The following CD69 variants were observed in gnomAD, a reference collection of about 807,000 sequenced individuals.
CD69 encodes the protein CD69 molecule.
A neutral mutation model predicts 21.4 loss-of-function variants in CD69; 10 were observed. The observed-to-expected ratio is 0.47, with a 90% CI of 0.29 to 0.79. CD69 has a LOEUF of 0.79. CD69 is among the 30% of genes least tolerant of loss of function. The pLI is 0.09. For missense variants in CD69, 204 were observed against 236.9 expected (o/e 0.86, Z 0.91); for synonymous variants, 63 against 78.2 (o/e 0.81, Z 1.03).
rs1235998120 is a variant in CD69 at position 9,756,311 on chromosome 12, A to C, written c.173T>G (p.Leu58Arg). Residue 58 changes from leucine (L) to arginine (R), a missense_variant, in exon 2 of 5, where the codon CTC (leucine) becomes CGC (arginine). Leu to Arg is a moderately radical substitution (Grantham distance 102). Transcript: ENST00000228434. ...VVFITILIIA[L>R]IALSVGQYNC... ...TGTAGACCCACCTGATAAGGCAATG[A>C]GAGCTATGATTAAAATGGTGATGAA... The C allele has an allele frequency of 6.2e-7, 1 of 1,613,328 alleles. No individual in the cohort carries two copies. The highest frequency in any genetic ancestry group is 8.5e-7 in the Non-Finnish European group (1 of 1,179,618).
chr12:9,757,829 T>C (rs774999566), intron 1 of CD69, among the ~76,000 whole-genome samples: 1 of 152,348 alleles, frequency 6.6e-6, no homozygotes, highest in South Asian at 2.1e-4. Context: ...CAAATGTTGC[T>C]GGTCTTGTGG....
At position 9,758,600 on chromosome 12, in the gene CD69, G is replaced by C. The variant is rs772927101; in HGVS notation, c.64+2157C>G. ...AGATCGGCACTCAGATTTTGCAAGA[G>C]AAGCCTTTACTTCACTGCCGTCTAG... is the stretch of plus-strand genomic sequence containing the variant. On this transcript the variant is annotated intron_variant, in intron 1 of 4. Transcript: ENST00000228434. Among the ~76,000 whole-genome samples, 4 of 152,246 alleles carry C rather than the reference G, an allele frequency of 2.6e-5. No homozygotes were observed. In the South Asian group the frequency reaches 6.2e-4, roughly 24 times the overall value.
In CD69 at chr12:9,759,115, C is replaced by G. The variant is rs768395569; in HGVS notation, c.64+1642G>C. ...CGGCTAACTTTTTGTATTTTTAGTA[C>G]AGACGGGGTTTCATCGTGTTAGCCA... On this transcript the variant is annotated intron_variant, in intron 1 of 4. Coordinates refer to ENST00000228434, the MANE Select transcript of CD69 (RefSeq NM_001781.2). 3.4e-3 allele frequency among the ~76,000 whole-genome samples: 522 copies of G among 152,134 alleles called. 4 individuals carry two copies. The highest frequency in any genetic ancestry group is 0.011 in the African/African-American group (466 of 41,510).
chr12:9,756,487 C>T, intron 1 of CD69, 68 bp from the exon 2 acceptor site: 1 of 1,267,236 alleles, frequency 7.9e-7, no homozygotes, highest in Non-Finnish European at 1.1e-6. Flanking sequence ...ATGCAACATT[C>T]TTTTGAGGCA....
At chr12:9,757,235 C>A (rs1866686966) in intron 1 of CD69, among the ~76,000 whole-genome samples, 1 of 152,002 alleles carries the variant, frequency 6.6e-6, no homozygotes, top group African/African-American at 2.4e-5. Context: ...ATTAAAATGA[C>A]TGAACAAAAT....
intron 1 of CD69, among the ~76,000 whole-genome samples, chr12:9,758,678 A>G (rs980359711): frequency 6.6e-6 from 1 of 152,176 alleles, no homozygotes; most frequent in Admixed American, 6.5e-5. Context: ...CCGGTATAGA[A>G]TCATCATTGG....
intron 1 of CD69, among the ~76,000 whole-genome samples, chr12:9,759,097 C>T (rs148559692): frequency 0.014 from 2,052 of 151,960 alleles, 40 homozygotes; most frequent in African/African-American, 0.041. Flanking sequence ...GCCCGGCTAA[C>T]TTTTTGTATT....
chr12:9,754,224 A>T (rs1866656523), intron 4 of CD69: 1 of 160,690 alleles, frequency 6.2e-6, no homozygotes. Context: ...AGTAAGAAGG[A>T]TTTATTTTCC....
chr12:9,758,982 T>C (rs956651712), intron 1 of CD69, among the ~76,000 whole-genome samples: 8 of 149,082 alleles, frequency 5.4e-5, no homozygotes, highest in South Asian at 2.1e-4. Flanking sequence ...CAGGCTGGAG[T>C]GCAGTTGCGT....
intron 2 of CD69, 59 bp from the exon 3 acceptor site, chr12:9,755,320 C>T: frequency 7.4e-7 from 1 of 1,358,932 alleles, no homozygotes. Flanking sequence ...CCACAGCATG[C>T]AAAACTAGCC....
At chr12:9,759,539 G>C (rs2121104496) in intron 1 of CD69, among the ~76,000 whole-genome samples, 1 of 151,408 alleles carries the variant, frequency 6.6e-6, no homozygotes, top group Non-Finnish European at 1.5e-5. Context: ...TGTGCCGTAA[G>C]TAATGGCTCG....
intron 4 of CD69, 120 bp from the exon 5 acceptor site, chr12:9,753,709 G>C: frequency 6.0e-6 from 3 of 496,918 alleles, no homozygotes; most frequent in Non-Finnish European, 1.1e-5. Flanking sequence ...GGATACACAA[G>C]TCAAATAATC....
In CD69 at chr12:9,752,786, C is replaced by G. The variant is rs766677956; in HGVS notation, c.*695G>C. On this transcript the variant is annotated 3_prime_UTR_variant, in exon 5 of 5. Transcript: ENST00000228434. ...CATAGTCTTTGCTTATGTCTTTTCT[C>G]TGTAAGACACTGTATAAAAGATTAT... The G allele has an allele frequency of 6.5e-6, 1 of 152,672 alleles. No homozygotes were observed. The highest frequency in any genetic ancestry group is 2.4e-5 in the African/African-American group (1 of 41,550). 9.5% of individuals were successfully genotyped at this position (152,672 alleles called of 1,614,324 possible).
At chr12:9,758,318 G>T (rs917483800) in intron 1 of CD69, among the ~76,000 whole-genome samples, 1 of 152,092 alleles carries the variant, frequency 6.6e-6, no homozygotes, top group Admixed American at 6.5e-5. Context: ...AAACCAAAAT[G>T]TAAAATGGCT....
chr12:9,753,664 AG>A, intron 4 of CD69, 75 bp from the exon 5 acceptor site: 1 of 634,532 alleles, frequency 1.6e-6, no homozygotes, highest in Non-Finnish European at 2.8e-6. Flanking sequence ...ATGAACTCGG[AG>A]ATGGTGACCT....
At chr12:9,754,546 A>T in intron 4 of CD69, 41 bp downstream of exon 4, 1 of 1,116,410 alleles carries the variant, frequency 9.0e-7, no homozygotes, top group Non-Finnish European at 1.4e-6. Context: ...TTTTCCTGAG[A>T]TGCCACCCTG....
intron 3 of CD69, 43 bp downstream of exon 3, chr12:9,755,019 T>C: frequency 2.0e-6 from 3 of 1,480,114 alleles, no homozygotes; most frequent in Non-Finnish European, 2.8e-6. Context: ...TGATTAGCCA[T>C]ATGAATTAAA....
At chr12:9,757,677 T>C (rs1166743064) in intron 1 of CD69, among the ~76,000 whole-genome samples, 2 of 152,342 alleles carry the variant, frequency 1.3e-5, no homozygotes, top group East Asian at 3.8e-4. Flanking sequence ...ATACTACATA[T>C]TTGCATTTAC....
chr12:9,759,752 G>A (rs1267572983), intron 1 of CD69, among the ~76,000 whole-genome samples: 2 of 152,088 alleles, frequency 1.3e-5, no homozygotes, highest in East Asian at 1.9e-4. Flanking sequence ...TTAATAGATC[G>A]CTCTTGCTGA....
Sources: allele counts gnomAD v4.1 joint callset (sites outside exome capture counted in the v4.1 genomes callset), GRCh38; gene constraint gnomAD v4.1.1; transcripts MANE v1.5; gene names NCBI Gene and HGNC (gene_info 2026-07-23, HGNC 2026-07-21).